Variants in MAP1LC3C observed in about 807,000 individuals in gnomAD.
MAP1LC3C encodes microtubule associated protein 1 light chain 3 gamma.
In MAP1LC3C, 12 loss-of-function variants were observed where a neutral mutation model predicts 10.4. The observed-to-expected ratio is 1.15, with a 90% confidence interval of 0.74 to 1.86. The LOEUF is 1.86. Among genes scored for constraint, MAP1LC3C ranks in the 40% most tolerant of loss-of-function variants. The pLI, the probability that MAP1LC3C is intolerant of heterozygous loss-of-function variation, is 0.00. For missense variants in MAP1LC3C, 177 were observed against 185.7 expected, an observed-to-expected ratio of 0.95 and a Z score of 0.27; for synonymous variants, 70 against 69.0, an observed-to-expected ratio of 1.01 and a Z score of -0.07.
At chr1:241,997,572 G>A (rs547636003) in intron 3 of MAP1LC3C, among the ~76,000 whole-genome samples, 54 of 152,270 alleles carry the variant, frequency 3.5e-4, no homozygotes, top group Non-Finnish European at 7.2e-4. Context: ...CTGCAACAGC[G>A]ATGCAGCTTC....
At chr1:242,000,308 T>C (rs1665173259), upstream of MAP1LC3C, among the ~76,000 whole-genome samples, 1 of 152,218 alleles carries the variant, frequency 6.6e-6, no homozygotes, top group South Asian at 2.1e-4. Context: ...TGGCACGATC[T>C]CAGCTCACTG....
upstream of MAP1LC3C, among the ~76,000 whole-genome samples, chr1:242,000,585 C>T (rs1665178816): frequency 6.6e-6 from 1 of 152,106 alleles, no homozygotes; most frequent in African/African-American, 2.4e-5. Flanking sequence ...TTCCCACAGC[C>T]CCCGCCTTGG....
chr1:241,999,120 G>T, upstream of MAP1LC3C: 3 of 1,479,184 alleles, frequency 2.0e-6, no homozygotes, highest in Non-Finnish European at 2.7e-6. Context: ...CCTGAAGGAG[G>T]CCCTTATGTA....
upstream of MAP1LC3C, among the ~76,000 whole-genome samples, chr1:242,000,985 G>C (rs1199734852): frequency 6.6e-6 from 1 of 152,110 alleles, no homozygotes; most frequent in Non-Finnish European, 1.5e-5. Flanking sequence ...ACTAAAAAAA[G>C]ACACTTATTG....
In MAP1LC3C at chr1:241,995,992, G is replaced by T. The variant is rs576825461; in HGVS notation, c.*171C>A. ...TTTCTTAGAAGGACACAAGAACACG[G>T]AGCACAAAAACTAAACTAGGAAGAG... On this transcript the variant is annotated 3_prime_UTR_variant, in exon 4 of 4. Transcript: ENST00000357246. 1.9e-5 allele frequency: 10 copies of T among 538,398 alleles called. No individual in the cohort carries two copies. The South Asian group carries it at 3.0e-4, about 16-fold the overall frequency. The allele number at this position is 538,398 out of a possible 1,614,324, so 33.4% of individuals were successfully genotyped here.
chr1:241,999,088 G>A lies in MAP1LC3C; in HGVS notation c.-80C>T. ...GGGAACCTAACTCATTCCTCCAGCT[G>A]CTTCCAAACTGCCTGCAGGAGCCTG... On this transcript the variant is annotated 5_prime_UTR_variant, in exon 1 of 4. Coordinates refer to ENST00000357246, the MANE Select transcript of MAP1LC3C (RefSeq NM_001004343.3). The A allele has an allele frequency of 4.6e-6, 7 of 1,526,628 alleles. No homozygotes were observed. Among genetic ancestry groups the A allele is most frequent in the African/African-American group, 1.4e-5 (1 of 71,988 alleles). The allele number at this position is 1,526,628 out of a possible 1,614,324, so 94.6% of individuals were successfully genotyped here.
At chr1:241,998,909 C>A (rs1211117890) in intron 1 of MAP1LC3C, 42 bp downstream of exon 1, 1 of 1,613,312 alleles carries the variant, frequency 6.2e-7, no homozygotes, top group Admixed American at 1.7e-5. Flanking sequence ...CAGATCCGCT[C>A]CTCTCTTTAG....
intron 3 of MAP1LC3C, 112 bp downstream of exon 3, chr1:241,998,402 C>T (rs1444839348): frequency 1.2e-6 from 1 of 809,098 alleles, no homozygotes; most frequent in Admixed American, 2.3e-5. Flanking sequence ...TCTCTTTCCT[C>T]TCTTCCCCTG....
intron 3 of MAP1LC3C, 66 bp from the exon 4 acceptor site, chr1:241,996,451 G>A (rs1042004010): frequency 7.6e-7 from 1 of 1,308,074 alleles, no homozygotes; most frequent in Non-Finnish European, 1.1e-6. Context: ...GCAGCCTCAT[G>A]ACACTCAAGA....
At chr1:241,999,179 C>A, upstream of MAP1LC3C, 2 of 1,325,940 alleles carry the variant, frequency 1.5e-6, no homozygotes, top group South Asian at 1.8e-5. Context: ...TCCCCACTCC[C>A]CCTCCCTGGG....
At chr1:241,997,577 A>G (rs1665109690) in intron 3 of MAP1LC3C, among the ~76,000 whole-genome samples, 1 of 152,226 alleles carries the variant, frequency 6.6e-6, no homozygotes, top group Non-Finnish European at 1.5e-5. Context: ...ACAGCGATGC[A>G]GCTTCCAAGC....
chr1:241,996,990 CT>C (rs1270300700), intron 3 of MAP1LC3C, among the ~76,000 whole-genome samples: 2 of 145,856 alleles, frequency 1.4e-5, no homozygotes, highest in African/African-American at 2.5e-5. Flanking sequence ...TGATATTTCA[CT>C]TTTTTTTTTT....
chr1:242,001,357 T>C (rs1198472924), upstream of MAP1LC3C, among the ~76,000 whole-genome samples: 2 of 152,082 alleles, frequency 1.3e-5, no homozygotes, highest in Non-Finnish European at 2.9e-5. Context: ...CTCACACCTG[T>C]AATCCCAGTA....
At chr1:241,998,344 A>C (rs763213246) in intron 3 of MAP1LC3C, among the ~76,000 whole-genome samples, 170 bp downstream of exon 3, 4 of 152,106 alleles carry the variant, frequency 2.6e-5, no homozygotes, top group Non-Finnish European at 5.9e-5. Flanking sequence ...TAATTCTAAG[A>C]GCATCTTTTC....
chr1:241,999,033 T>TA lies in MAP1LC3C; in HGVS notation c.-26dup, dbSNP rs777238205. Reference sequence around the variant, plus strand: ...TTGCACTCAGTAGCTGTGTCTGTTTTAAAAAAGAAAAAAAAACTGTCCCGC... The same window carrying TA: ...TTGCACTCAGTAGCTGTGTCTGTTTTAAAAAAAGAAAAAAAAACTGTCCCGC... On this transcript the variant is annotated 5_prime_UTR_variant, in exon 1 of 4. Coordinates refer to ENST00000357246, the MANE Select transcript of MAP1LC3C (RefSeq NM_001004343.3). The TA allele has an allele frequency of 1.6e-5, 25 of 1,583,236 alleles. No individual in the cohort carries two copies. In the South Asian group the frequency reaches 2.2e-4, roughly 14 times the overall value.
At chr1:241,998,492 G>T in intron 3 of MAP1LC3C, 22 bp downstream of exon 3, 1 of 1,608,310 alleles carries the variant, frequency 6.2e-7, no homozygotes, top group South Asian at 1.1e-5. Flanking sequence ...CCTTCCTCCG[G>T]GGCACGCTCT....
intron 3 of MAP1LC3C, among the ~76,000 whole-genome samples, chr1:241,997,973 T>C (rs938000468): frequency 2.0e-5 from 3 of 151,978 alleles, no homozygotes; most frequent in African/African-American, 4.8e-5. Flanking sequence ...TTTTTTGTTG[T>C]TGTCGTTGTC....
rs540070974 is a variant in MAP1LC3C at position 241,996,086 on chromosome 1, G to C, written c.*77C>G. The C allele has an allele frequency of 7.9e-4, 1,068 of 1,352,350 alleles. 4 individuals carry two copies. Among genetic ancestry groups the C allele is most frequent in the Admixed American group, 1.2e-3 (63 of 50,570 alleles). The allele number at this position is 1,352,350 out of a possible 1,614,324, so 83.8% of individuals were successfully genotyped here. ...TCCCTGCTTCTCAGACTCCTCCACT[G>C]TATACACAGGAGAAAACCAATCCCT... On this transcript the variant is annotated 3_prime_UTR_variant, in exon 4 of 4. Transcript: ENST00000357246.
At position 241,999,025 on chromosome 1, in the gene MAP1LC3C, G is replaced by C. The variant is rs1466209823; in HGVS notation, c.-17C>G. ...AGGCGGCATTGCACTCAGTAGCTGT[G>C]TCTGTTTTAAAAAAGAAAAAAAAAC... On this transcript the variant is annotated 5_prime_UTR_variant, in exon 1 of 4. Transcript: ENST00000357246. 1.3e-6 allele frequency: 2 copies of C among 1,591,416 alleles called. No individual in the cohort carries two copies. Among genetic ancestry groups the C allele is most frequent in the African/African-American group, 2.7e-5 (2 of 72,974 alleles).
Sources: gnomAD v4.1 joint callset for allele counts (sites outside exome capture counted in the v4.1 genomes callset) on GRCh38, gnomAD v4.1.1 for gene constraint, MANE v1.5 for transcripts, NCBI Gene and HGNC (gene_info 2026-07-23, HGNC 2026-07-21) for gene names.